SH3RF3: variants seen among roughly 807,000 people sequenced by gnomAD.
SH3RF3 encodes the protein E3 ubiquitin-protein ligase SH3RF3.
Under a neutral mutation model 66.3 loss-of-function variants are expected in SH3RF3, and 29 were observed. The ratio of observed to expected loss-of-function variants is 0.44; its 90% confidence interval spans 0.33 to 0.60. The LOEUF is 0.60. SH3RF3 is among the 20% of genes least tolerant of loss of function. The pLI is 0.04. For missense variants in SH3RF3, 1,194 were observed against 1,190.9 expected, an observed-to-expected ratio of 1.00 and a Z score of -0.04; for synonymous variants, 583 against 532.0, an observed-to-expected ratio of 1.10 and a Z score of -1.32.
intron 1 of SH3RF3, among the ~76,000 whole-genome samples, chr2:109,234,670 C>G (rs1433367349): frequency 6.6e-6 from 1 of 152,220 alleles, no homozygotes; most frequent in African/African-American, 2.4e-5. Flanking sequence ...TTGTTGATCT[C>G]ACAGGGGTGT....
At chr2:109,300,971 G>A (rs956337399) in intron 1 of SH3RF3, among the ~76,000 whole-genome samples, 4 of 152,234 alleles carry the variant, frequency 2.6e-5, no homozygotes, top group Admixed American at 1.3e-4. Context: ...TGCTGGTGCC[G>A]ACTAGCCTTG....
At chr2:109,143,763 A>AAAACAAAAC (rs1298430861) in intron 1 of SH3RF3, among the ~76,000 whole-genome samples, 4 of 151,120 alleles carry the variant, frequency 2.6e-5, no homozygotes, top group East Asian at 1.9e-4. Flanking sequence ...GAAACAAAAC[A>AAAACAAAAC]AAACAAACAA....
intron 1 of SH3RF3, among the ~76,000 whole-genome samples, chr2:109,333,087 G>A (rs1386197538): frequency 6.6e-6 from 1 of 152,238 alleles, no homozygotes; most frequent in Non-Finnish European, 1.5e-5. Flanking sequence ...CAGCTCCAGT[G>A]CTGCCTCAGT....
At chr2:109,440,192 A>G (rs1193633375) in intron 7 of SH3RF3, among the ~76,000 whole-genome samples, 1 of 150,934 alleles carries the variant, frequency 6.6e-6, no homozygotes. Flanking sequence ...TGTGTAGATG[A>G]CAGTTCCCTG....
In SH3RF3 at chr2:109,129,950, C is replaced by T. The variant is rs1030076051; in HGVS notation, c.410C>T (p.Ala137Val). ...AGTSPGGSPP[A>V]RPIPGQSAAP... Reference sequence around the variant, plus strand: ...ACCAGCCCCGGCGGCAGCCCGCCCGCGCGTCCCATCCCAGGCCAGAGTGCG... The same window carrying T: ...ACCAGCCCCGGCGGCAGCCCGCCCGTGCGTCCCATCCCAGGCCAGAGTGCG... Residue 137 changes from alanine (A) to valine (V), a missense_variant, in exon 1 of 10, where the codon GCG becomes GTG. Transcript: ENST00000309415. 46 of 1,467,774 alleles carry T rather than the reference C, an allele frequency of 3.1e-5. No homozygotes were observed. Among genetic ancestry groups the T allele is most frequent in the Admixed American group, 6.9e-5 (3 of 43,200 alleles). The allele number at this position is 1,467,774 out of a possible 1,614,324, so 90.9% of individuals were successfully genotyped here. A position where few individuals can be genotyped will look rare whatever the true frequency, so the allele number is the denominator to read the frequency against.
intron 4 of SH3RF3, among the ~76,000 whole-genome samples, chr2:109,405,039 C>T (rs1331034516): frequency 1.3e-5 from 2 of 148,610 alleles, no homozygotes; most frequent in African/African-American, 2.5e-5. Flanking sequence ...CATCTCTAGC[C>T]CCTACATCTA....
At chr2:109,165,707 C>T (rs949125559) in intron 1 of SH3RF3, among the ~76,000 whole-genome samples, 3 of 152,286 alleles carry the variant, frequency 2.0e-5, no homozygotes, top group South Asian at 2.1e-4. Context: ...GTGGTATGGA[C>T]GAGTGGGGAG....
intron 1 of SH3RF3, among the ~76,000 whole-genome samples, chr2:109,332,521 G>A (rs1682311795): frequency 6.6e-6 from 1 of 152,216 alleles, no homozygotes; most frequent in South Asian, 2.1e-4. Context: ...GGATGTGTGA[G>A]GAACAGAGCT....
At chr2:109,315,005 A>G (rs1025375) in intron 1 of SH3RF3, among the ~76,000 whole-genome samples, 47,511 of 152,172 alleles carry the variant, frequency 0.31, 9,204 homozygotes, top group African/African-American at 0.55. Context: ...GCACTGTCCC[A>G]TAAGGTAGCC....
At position 109,152,759 on chromosome 2, in the gene SH3RF3, A is replaced by G. The variant is rs2889863; in HGVS notation, c.573+22646A>G. Among the ~76,000 whole-genome samples the G allele has an allele frequency of 3.4e-3, 520 of 151,934 alleles. 2 individuals carry two copies. The highest frequency in any genetic ancestry group is 0.011 in the African/African-American group (469 of 41,466). On this transcript the variant is annotated intron_variant, in intron 1 of 9. Coordinates refer to ENST00000309415, the MANE Select transcript of SH3RF3 (RefSeq NM_001099289.3). ...AGGCATGGGCAGAGGGGCGGGGGGG[A>G]CCCAGTGTCCCCTCCCAGGCCCGAT...
In SH3RF3 at chr2:109,241,419, GA is replaced by G. The variant is rs201603924; in HGVS notation, c.574-106249del. Among the ~76,000 whole-genome samples, 82 of 152,214 alleles carry G rather than the reference GA, an allele frequency of 5.4e-4. 1 individual carries two copies. In the East Asian group the frequency reaches 0.013, roughly 25 times the overall value. On this transcript the variant is annotated intron_variant, in intron 1 of 9. Transcript: ENST00000309415. ...CCATATGGGTATAGATGCATTGGGG[GA>G]AAAAATGGCTGGAAGAAATACTTTA...
chr2:109,405,452 G>A (rs535594495), intron 4 of SH3RF3, among the ~76,000 whole-genome samples: 4 of 152,206 alleles, frequency 2.6e-5, no homozygotes, highest in East Asian at 1.9e-4. Flanking sequence ...TCCAGCTCCC[G>A]GCAGCACTGT....
chr2:109,461,781 A>G (rs1678213310), intron 8 of SH3RF3, among the ~76,000 whole-genome samples: 1 of 152,250 alleles, frequency 6.6e-6, no homozygotes, highest in African/African-American at 2.4e-5. Flanking sequence ...GTGGTAGAGC[A>G]TCTTTCACAG....
chr2:109,255,436 G>A (rs1166158720), intron 1 of SH3RF3, among the ~76,000 whole-genome samples: 1 of 152,158 alleles, frequency 6.6e-6, no homozygotes. Flanking sequence ...AAGGTCTGTG[G>A]GGTTGTGGAC....
intron 4 of SH3RF3, among the ~76,000 whole-genome samples, chr2:109,416,260 C>T (rs1289438230): frequency 6.6e-6 from 1 of 152,068 alleles, no homozygotes; most frequent in African/African-American, 2.4e-5. Context: ...GTGTAAGGGG[C>T]CTGTGCACGC....
chr2:109,330,291 T>C (rs72627484), intron 1 of SH3RF3, among the ~76,000 whole-genome samples: 4,182 of 152,300 alleles, frequency 0.027, 211 homozygotes, highest in East Asian at 0.2. Context: ...TTTCAGATGT[T>C]ATTGCGAAAC....
intron 4 of SH3RF3, among the ~76,000 whole-genome samples, chr2:109,417,209 G>A (rs1676749056): frequency 6.6e-6 from 1 of 152,164 alleles, no homozygotes; most frequent in Non-Finnish European, 1.5e-5. Context: ...GGGCCTGGTG[G>A]AGAGTGAGGT....
intron 2 of SH3RF3, among the ~76,000 whole-genome samples, chr2:109,362,859 C>A (rs1217313435): frequency 6.6e-6 from 1 of 152,076 alleles, no homozygotes; most frequent in Non-Finnish European, 1.5e-5. Context: ...ACTCTGAAGT[C>A]TGTTTTGTCT....
At position 109,501,896 on chromosome 2, in the gene SH3RF3, C is replaced by G; in HGVS notation, c.*225C>G. 1 of 518,706 alleles carries G rather than the reference C, an allele frequency of 1.9e-6. No homozygotes were observed. Among genetic ancestry groups the G allele is most frequent in the East Asian group, 3.0e-5 (1 of 33,592 alleles). The allele number at this position is 518,706 out of a possible 1,614,324, so 32.1% of individuals were successfully genotyped here. ...CTGGGATGTTCTTCAAGGAAATGCC[C>G]ACCCCCTCTGTGGAAACTGCAAAGA... is the stretch of plus-strand genomic sequence containing the variant. On this transcript the variant is annotated 3_prime_UTR_variant, in exon 10 of 10. Transcript: ENST00000309415.
Sources: allele counts gnomAD v4.1 joint callset (sites outside exome capture counted in the v4.1 genomes callset), GRCh38; gene constraint gnomAD v4.1.1; transcripts MANE v1.5; gene names NCBI Gene and HGNC (gene_info 2026-07-23, HGNC 2026-07-21).